The following WIPF2 variants were observed in gnomAD, a reference collection of about 807,000 sequenced individuals.
WIPF2 encodes WAS/WASL-interacting protein family member 2.
A neutral mutation model predicts 38.8 loss-of-function variants in WIPF2; 23 were observed. The ratio of observed to expected loss-of-function variants is 0.59; its 90% CI spans 0.43 to 0.84. The LOEUF (loss-of-function observed/expected upper bound fraction) is 0.84, where lower values mean the gene tolerates loss of function less well. Ranked by LOEUF, WIPF2 falls within the 40% of genes least tolerant of loss-of-function variation. The pLI is 0.00. For missense variants in WIPF2, 574 were observed against 580.5 expected, an observed-to-expected ratio of 0.99 and a Z score of 0.11; for synonymous variants, 210 against 223.2, an observed-to-expected ratio of 0.94 and a Z score of 0.53.
At chr17:40,220,569 GTGTGTATATATATATATATATATA>G (rs1269043943) in intron 1 of WIPF2, 7 of 91,994 alleles carry the variant, frequency 7.6e-5, no homozygotes, top group African/African-American at 3.3e-4. Context: ...TAACGTGTGT[GTGTGTATATATATATATATATATA>G]TATATATATA....
At chr17:40,231,027 T>G (rs967597561) in intron 1 of WIPF2, among the ~76,000 whole-genome samples, 2 of 152,174 alleles carry the variant, frequency 1.3e-5, no homozygotes, top group African/African-American at 4.8e-5. Context: ...TCCTGTTTGA[T>G]TTAGTACTTC....
chr17:40,250,975 G>A (rs967316769), intron 1 of WIPF2, among the ~76,000 whole-genome samples: 2 of 146,346 alleles, frequency 1.4e-5, no homozygotes, highest in African/African-American at 2.5e-5. Context: ...GTGCAGTGGC[G>A]CAATCTCGGC....
At chr17:40,255,506 G>C (rs989259328) in intron 1 of WIPF2, among the ~76,000 whole-genome samples, 1 of 151,490 alleles carries the variant, frequency 6.6e-6, no homozygotes, top group African/African-American at 2.4e-5. Context: ...TGTGTTTTTA[G>C]TAGAGACAGG....
chr17:40,274,557 GAAAAA>G (rs571085371), intron 6 of WIPF2, among the ~76,000 whole-genome samples: 301 of 24,778 alleles, frequency 0.012, 7 homozygotes, highest in African/African-American at 0.041. Context: ...TGGAATTCTT[GAAAAA>G]AAAAAAAAAA....
At chr17:40,270,297 C>T (rs897255016) in intron 5 of WIPF2, among the ~76,000 whole-genome samples, 3 of 146,206 alleles carry the variant, frequency 2.1e-5, no homozygotes, top group Non-Finnish European at 4.5e-5. Flanking sequence ...ACCCGGGAGG[C>T]GGAGCTTGCA....
At position 40,279,547 on chromosome 17, in the gene WIPF2, T is replaced by G. The variant is rs2032499683; in HGVS notation, c.*1322T>G. 1 of 152,648 alleles carries G rather than the reference T, an allele frequency of 6.6e-6. No homozygotes were observed. Among genetic ancestry groups the G allele is most frequent in the Non-Finnish European group, 1.5e-5 (1 of 68,046 alleles). 9.5% of individuals were successfully genotyped at this position (152,648 alleles called of 1,614,324 possible). ...TCTTCCTTGGCAGCCAGCCATAGGT[T>G]GTTTCTTTGTCTTCCGGGTCCTAAA... is the stretch of plus-strand genomic sequence containing the variant. On this transcript the variant is annotated 3_prime_UTR_variant, in exon 8 of 8. Coordinates refer to ENST00000323571, the MANE Select transcript of WIPF2 (RefSeq NM_133264.5).
chr17:40,273,658 A>G, intron 5 of WIPF2, 132 bp from the exon 6 acceptor site: 1 of 611,566 alleles, frequency 1.6e-6, no homozygotes, highest in South Asian at 2.0e-5. Flanking sequence ...TGTTCAAGTA[A>G]TAAGGACAAA....
Position 40,278,296 on chromosome 17 carries a change from C to T in WIPF2, c.*71C>T. 2 of 1,561,438 alleles carry T rather than the reference C, an allele frequency of 1.3e-6. No individual in the cohort carries two copies. The highest frequency in any genetic ancestry group is 1.1e-5 in the South Asian group (1 of 87,276). The stretch of plus-strand genomic sequence containing the variant: ...TCTTCTCAGATGGTCCCTTCCATTC[C>T]CCTGAAACCTGCATGAGAGCTCCTA... On this transcript the variant is annotated 3_prime_UTR_variant, in exon 8 of 8. Transcript: ENST00000323571.
chr17:40,222,316 T>C (rs1240100676), intron 1 of WIPF2, among the ~76,000 whole-genome samples: 1 of 151,614 alleles, frequency 6.6e-6, no homozygotes, highest in East Asian at 2.0e-4. Context: ...CCTCCCAAAG[T>C]GCTGGGATTA....
At chr17:40,240,939 C>T (rs966907342) in intron 1 of WIPF2, among the ~76,000 whole-genome samples, 26 of 135,246 alleles carry the variant, frequency 1.9e-4, no homozygotes, top group Admixed American at 6.1e-4. Flanking sequence ...AATGAGACTC[C>T]GTCTCAAAAA....
rs112639362 is a variant in WIPF2 at position 40,282,455 on chromosome 17, G to T, written c.*4230G>T. ...TGACTAGAATGACACGTGTGCGTGC[G>T]CACGCGTGTGCGTGTGTGTGTTCAT... On this transcript the variant is annotated 3_prime_UTR_variant, in exon 8 of 8. Transcript: ENST00000323571. 1 of 151,710 alleles carries T rather than the reference G, an allele frequency of 6.6e-6. No individual in the cohort carries two copies. Among genetic ancestry groups the T allele is most frequent in the East Asian group, 1.9e-4 (1 of 5,190 alleles). 9.4% of individuals were successfully genotyped at this position (151,710 alleles called of 1,614,324 possible). A position where few individuals can be genotyped will look rare whatever the true frequency, so the allele number is the denominator to read the frequency against.
intron 5 of WIPF2, among the ~76,000 whole-genome samples, chr17:40,265,899 A>G (rs1567722937): frequency 6.6e-6 from 1 of 152,210 alleles, no homozygotes; most frequent in Admixed American, 6.5e-5. Flanking sequence ...CTGTTGCAGT[A>G]AACGGCCAGA....
intron 2 of WIPF2, among the ~76,000 whole-genome samples, chr17:40,257,728 G>A (rs2031773299): frequency 7.0e-6 from 1 of 143,328 alleles, no homozygotes; most frequent in Admixed American, 7.0e-5. Context: ...GGGCGACAGA[G>A]CGAGGCTCCA....
chr17:40,242,641 A>T (rs2031231502), intron 1 of WIPF2, among the ~76,000 whole-genome samples: 1 of 152,142 alleles, frequency 6.6e-6, no homozygotes. Context: ...ACCTTAGGTA[A>T]TCCACCTGCC....
chr17:40,268,958 G>A lies in WIPF2; in HGVS notation c.970+3812G>A, dbSNP rs116438196. On this transcript the variant is annotated intron_variant, in intron 5 of 7. Transcript: ENST00000323571. ...CTAGTGCTTTGGGAGGCTGAGGCAG[G>A]AGGATCGCTTGAGACGGAGTTCAAG... Among the ~76,000 whole-genome samples the A allele has an allele frequency of 3.8e-3, 582 of 152,246 alleles. 2 individuals are homozygous for A. The highest frequency in any genetic ancestry group is 0.014 in the African/African-American group (561 of 41,554).
chr17:40,261,175 T>A (rs2031890117), intron 3 of WIPF2, among the ~76,000 whole-genome samples: 2 of 152,158 alleles, frequency 1.3e-5, no homozygotes, highest in East Asian at 1.9e-4. Flanking sequence ...TTATGATTGC[T>A]ACAAGTGTCC....
intron 6 of WIPF2, 143 bp downstream of exon 6, chr17:40,274,142 C>T: frequency 1.6e-6 from 1 of 633,054 alleles, no homozygotes; most frequent in South Asian, 2.4e-5. Context: ...TGACTTCATC[C>T]TCAGAGGTAT....
chr17:40,230,820 A>G (rs2030709622), intron 1 of WIPF2, among the ~76,000 whole-genome samples: 2 of 152,200 alleles, frequency 1.3e-5, no homozygotes, highest in Non-Finnish European at 1.5e-5. Context: ...GGGAGAGAAC[A>G]GATGTTCTTT....
intron 5 of WIPF2, among the ~76,000 whole-genome samples, chr17:40,273,070 G>C (rs758200228): frequency 1.3e-5 from 2 of 152,172 alleles, no homozygotes; most frequent in Non-Finnish European, 2.9e-5. Context: ...GTCTCTCTCT[G>C]TTGCCCAGGC....
Sources: allele counts gnomAD v4.1 joint callset (sites outside exome capture counted in the v4.1 genomes callset), GRCh38; gene constraint gnomAD v4.1.1; transcripts MANE v1.5; gene names NCBI Gene and HGNC (gene_info 2026-07-23, HGNC 2026-07-21).